CNBD1: variants seen among roughly 807,000 people sequenced by gnomAD.
CNBD1 encodes cyclic nucleotide binding domain containing 1.
In CNBD1, 71 loss-of-function variants were observed where a neutral mutation model predicts 54.4. The ratio of observed to expected loss-of-function variants is 1.30; its 90% CI spans 1.08 to 1.59. The LOEUF is 1.59. CNBD1 is among the 40% of genes most tolerant of loss of function. CNBD1 has a pLI of 0.00. For missense variants in CNBD1, 659 were observed against 518.0 expected, an observed-to-expected ratio of 1.27 and a Z score of -2.64; for synonymous variants, 182 against 170.7, an observed-to-expected ratio of 1.07 and a Z score of -0.51.
At chr8:87,357,089 G>A (rs1810434682) in intron 10 of CNBD1, among the ~76,000 whole-genome samples, 1 of 152,164 alleles carries the variant, frequency 6.6e-6, no homozygotes, top group African/African-American at 2.4e-5. Context: ...CAAGAGTGAA[G>A]GAAGCTTGCT....
At chr8:86,892,921 TA>T (rs1294451220) in intron 2 of CNBD1, among the ~76,000 whole-genome samples, 3 of 152,156 alleles carry the variant, frequency 2.0e-5, no homozygotes, top group Admixed American at 6.5e-5. Flanking sequence ...AATGAAGAGA[TA>T]GGGGACTTTT....
intron 8 of CNBD1, among the ~76,000 whole-genome samples, chr8:87,309,687 A>C (rs1237351545): frequency 2.0e-5 from 3 of 152,098 alleles, no homozygotes; most frequent in Non-Finnish European, 2.9e-5. Context: ...AACTATATCT[A>C]CATATAAATC....
rs1355053431 is a variant in CNBD1, at chr8:87,407,366, A to G, written c.214-21180A>G. Among the ~76,000 whole-genome samples the G allele has an allele frequency of 3.3e-5, 5 of 151,772 alleles. No homozygotes were observed. The East Asian group carries it at 9.7e-4, about 29-fold the overall frequency. On this transcript the variant is annotated intron_variant, in intron 2 of 7. Coordinates refer to the CNBD1 transcript ENST00000521593. ...AGTACTTAGTTTATTATTGTATAAT[A>G]CCCTTTTGTACGAACATACTATATG...
intron 4 of CNBD1, among the ~76,000 whole-genome samples, chr8:87,193,604 T>C (rs966928577): frequency 2.0e-5 from 3 of 152,228 alleles, no homozygotes; most frequent in African/African-American, 7.2e-5. Flanking sequence ...TTCCTTTCAC[T>C]TATAGAGACC....
intron 2 of CNBD1, among the ~76,000 whole-genome samples, chr8:86,904,830 A>AC (rs1808991538): frequency 1.3e-5 from 2 of 152,104 alleles, no homozygotes; most frequent in African/African-American, 4.8e-5. Flanking sequence ...TTTTAAAAAG[A>AC]CTGAACTTCA....
intron 4 of CNBD1, among the ~76,000 whole-genome samples, chr8:87,030,442 G>A (rs1303553186): frequency 6.6e-6 from 1 of 152,114 alleles, no homozygotes; most frequent in Admixed American, 6.5e-5. Context: ...GATAGTGAAA[G>A]ATTAGAAAAA....
intron 4 of CNBD1, among the ~76,000 whole-genome samples, chr8:87,077,376 G>T (rs62527275): frequency 0.2 from 30,800 of 150,882 alleles, 3,736 homozygotes; most frequent in Non-Finnish European, 0.28. Flanking sequence ...GCAGAAAGAC[G>T]GCTAACTAGC....
chr8:86,938,762 T>C (rs563916950), intron 3 of CNBD1, among the ~76,000 whole-genome samples: 1 of 152,202 alleles, frequency 6.6e-6, no homozygotes, highest in Non-Finnish European at 1.5e-5. Flanking sequence ...AGCCAAACCA[T>C]ATCACATGGT....
At position 87,143,840 on chromosome 8, in the gene CNBD1, T is replaced by C. The variant is rs946549464; in HGVS notation, c.432-62153T>C. ...GAGAATAAAATCTTTTATATGTAAT[T>C]TTTAAAAAACATTATTTTAAGACAA... On this transcript the variant is annotated intron_variant, in intron 4 of 10. Coordinates refer to ENST00000518476, the MANE Select transcript of CNBD1 (RefSeq NM_173538.3). 3.9e-4 allele frequency among the ~76,000 whole-genome samples: 59 copies of C among 152,150 alleles called. 1 individual carries two copies. Among genetic ancestry groups the C allele is most frequent in the Non-Finnish European group, 8.8e-5 (6 of 68,028 alleles).
At chr8:86,907,198 T>C (rs1809030643) in intron 3 of CNBD1, among the ~76,000 whole-genome samples, 1 of 152,212 alleles carries the variant, frequency 6.6e-6, no homozygotes, top group Non-Finnish European at 1.5e-5. Context: ...GGAGGTGTTC[T>C]GAAACAGGCC....
chr8:87,337,259 C>A (rs1408255395), intron 8 of CNBD1, among the ~76,000 whole-genome samples: 1 of 152,144 alleles, frequency 6.6e-6, no homozygotes, highest in Non-Finnish European at 1.5e-5. Flanking sequence ...TGGGGGGAAA[C>A]ACACTCATCT....
chr8:87,428,452 T>A, intron 2 of CNBD1: 4 of 321,302 alleles, frequency 1.2e-5, no homozygotes, highest in Non-Finnish European at 2.5e-5. Flanking sequence ...GTCTACTATT[T>A]TGAAATATTG....
chr8:87,203,953 C>T (rs1026982823), intron 4 of CNBD1, among the ~76,000 whole-genome samples: 3 of 152,136 alleles, frequency 2.0e-5, no homozygotes, highest in African/African-American at 7.2e-5. Flanking sequence ...TCCACCCTAA[C>T]AGTACTGGAA....
chr8:87,192,382 A>G (rs890821429), intron 4 of CNBD1, among the ~76,000 whole-genome samples: 4 of 152,184 alleles, frequency 2.6e-5, no homozygotes, highest in Non-Finnish European at 4.4e-5. Context: ...CCCTAACTCA[A>G]TTAGCCCCAA....
chr8:87,420,857 T>C (rs960090476), intron 2 of CNBD1, among the ~76,000 whole-genome samples: 3 of 151,644 alleles, frequency 2.0e-5, no homozygotes, highest in Non-Finnish European at 4.4e-5. Flanking sequence ...AACAATACAA[T>C]AGAATTATAA....
intron 2 of CNBD1, among the ~76,000 whole-genome samples, chr8:87,389,291 G>A (rs980287436): frequency 3.9e-5 from 6 of 152,158 alleles, no homozygotes; most frequent in Non-Finnish European, 7.3e-5. Flanking sequence ...TATTCAATTA[G>A]GAAAAGAGGA....
In CNBD1 at chr8:87,286,655, A is replaced by C. The variant is rs941002692; in HGVS notation, c.1026A>C (p.Lys342Asn). ...YELIALLKWKKFPPGHVIVES... is the reference protein window; with the variant it reads ...YELIALLKWKNFPPGHVIVES... ...TAATTGCACTCCTTAAATGGAAAAA[A>C]TTTCCTCCAGGTCATGGTAAGTTTA... Residue 342 changes from lysine to asparagine, a missense_variant, in exon 8 of 11, where the codon AAA becomes AAC. Transcript: ENST00000518476. The C allele has an allele frequency of 6.5e-7, 1 of 1,542,328 alleles. No individual in the cohort carries two copies. The highest frequency in any genetic ancestry group is 2.0e-5 in the Admixed American group (1 of 50,554).
chr8:87,419,533 A>C lies in CNBD1; in HGVS notation c.214-9013A>C, dbSNP rs141108504. 3.0e-3 allele frequency among the ~76,000 whole-genome samples: 455 copies of C among 152,056 alleles called. 5 individuals are homozygous for C. The highest frequency in any genetic ancestry group is 9.8e-3 in the African/African-American group (409 of 41,546). ...TATAGAAATTGTTCCTATGCCATAAAACTCATTTCAAAAAATTTCAAAAGA... is the reference window on the plus strand; with the variant it reads ...TATAGAAATTGTTCCTATGCCATAACACTCATTTCAAAAAATTTCAAAAGA... On this transcript the variant is annotated intron_variant, in intron 2 of 7. Coordinates refer to the CNBD1 transcript ENST00000521593.
At chr8:87,376,018 T>A (rs1810923117) in intron 10 of CNBD1, among the ~76,000 whole-genome samples, 1 of 151,454 alleles carries the variant, frequency 6.6e-6, no homozygotes, top group East Asian at 1.9e-4. Context: ...AATTTAAAAA[T>A]TATGCAATAT....
Sources: gnomAD v4.1 joint callset for allele counts (sites outside exome capture counted in the v4.1 genomes callset) on GRCh38, gnomAD v4.1.1 for gene constraint, MANE v1.5 for transcripts, NCBI Gene and HGNC (gene_info 2026-07-23, HGNC 2026-07-21) for gene names.